Variants in DYNLT5 observed in about 807,000 individuals in gnomAD.
The protein encoded by DYNLT5 is dynein light chain Tctex-type 5.
In DYNLT5, 25 loss-of-function variants were observed where a neutral mutation model predicts 19.3. That is an observed-to-expected ratio of 1.30 (90% confidence interval 0.95 to 1.81). The LOEUF (loss-of-function observed/expected upper bound fraction) is 1.81, where lower values mean the gene tolerates loss of function less well. Among genes scored for constraint, DYNLT5 ranks in the 40% most tolerant of loss-of-function variants. The probability of loss-of-function intolerance (pLI) is 0.00; values close to 1 mark genes in which losing one functional copy is unlikely to be tolerated. For synonymous variants in DYNLT5, 82 were observed against 68.9 expected (o/e 1.19, Z -0.94); for missense variants, 232 against 217.9 (o/e 1.06, Z -0.41).
chr1:66,776,230 G>C (rs1197164186), intron 3 of DYNLT5, 49 bp from the exon 4 acceptor site: 1 of 1,596,414 alleles, frequency 6.3e-7, no homozygotes, highest in African/African-American at 1.3e-5. Flanking sequence ...GGGTGGGTGG[G>C]TGTGATTTGA....
In DYNLT5 at chr1:66,778,533, A is replaced by G. The variant is rs1445722055; in HGVS notation, c.*1079A>G. 3 of 152,662 alleles carry G rather than the reference A, an allele frequency of 2.0e-5. No individual in the cohort carries two copies. The highest frequency in any genetic ancestry group is 7.2e-5 in the African/African-American group (3 of 41,456). 9.5% of individuals were successfully genotyped at this position (152,662 alleles called of 1,614,324 possible). On this transcript the variant is annotated 3_prime_UTR_variant, in exon 5 of 5. Transcript: ENST00000282670. ...TTCTTGGATGGTAAGTGGACTGCCT[A>G]GAGGACATTTGTTAAAGGTCAAAGA... is the stretch of plus-strand genomic sequence containing the variant.
At chr1:66,768,411 A>G (rs979293723) in intron 2 of DYNLT5, among the ~76,000 whole-genome samples, 3 of 152,198 alleles carry the variant, frequency 2.0e-5, no homozygotes, top group African/African-American at 7.2e-5. Context: ...TGTTTATATG[A>G]TTCCTATGGA....
intron 2 of DYNLT5, among the ~76,000 whole-genome samples, chr1:66,757,635 A>G (rs1037188780): frequency 2.0e-5 from 3 of 152,270 alleles, no homozygotes; most frequent in African/African-American, 7.2e-5. Context: ...TATAATAATA[A>G]GGATGATAAT....
chr1:66,762,728 A>G (rs1011731658), intron 2 of DYNLT5, among the ~76,000 whole-genome samples: 1 of 152,242 alleles, frequency 6.6e-6, no homozygotes, highest in African/African-American at 2.4e-5. Flanking sequence ...GAAGTTGGTG[A>G]ATACATACAA....
chr1:66,777,352 C>A lies in DYNLT5; in HGVS notation c.438C>A (p.Ser146Arg). 6.2e-7 allele frequency: 1 copy of A among 1,613,912 alleles called. No individual in the cohort carries two copies. The highest frequency in any genetic ancestry group is 8.5e-7 in the Non-Finnish European group (1 of 1,179,886). The change falls in exon 5 of 5, where the codon AGC becomes AGA. Residue 146 changes from serine (S) to arginine (R), a missense_variant. Ser to Arg is a moderately radical substitution (Grantham distance 110). Transcript: ENST00000282670. ...QLNRQSILIG[S>R]RCLWDPKSDT... ...ACAGGCAGAGCATACTTATTGGAAG[C>A]AGATGCCTCTGGGATCCTAAAAGTG...
At position 66,770,393 on chromosome 1, in the gene DYNLT5, G is replaced by A; in HGVS notation, c.126G>A (p.Met42Ile). The A allele has an allele frequency of 1.2e-6, 2 of 1,610,932 alleles. No individual in the cohort carries two copies. Among genetic ancestry groups the A allele is most frequent in the South Asian group, 2.2e-5 (2 of 90,794 alleles). ...TTTTCTCCCTTGTTTTTAGTTCTATGAGTACTGTGTCTTATATGGAAGAAC... is the reference window on the plus strand; with the variant it reads ...TTTTCTCCCTTGTTTTTAGTTCTATAAGTACTGTGTCTTATATGGAAGAAC... ...KEIHGRIKDS[M>I]STVSYMEEPS... The change falls in exon 3 of 5, where the codon ATG becomes ATA. Residue 42 changes from methionine (M) to isoleucine (I), a missense_variant. Met to Ile is a conservative substitution (Grantham distance 10, BLOSUM62 1). Coordinates refer to ENST00000282670, the MANE Select transcript of DYNLT5 (RefSeq NM_152665.3).
intron 2 of DYNLT5, among the ~76,000 whole-genome samples, 165 bp from the exon 3 acceptor site, chr1:66,770,222 T>A (rs1485699043): frequency 6.6e-6 from 1 of 152,240 alleles, no homozygotes; most frequent in Non-Finnish European, 1.5e-5. Flanking sequence ...TTTCCATCTC[T>A]AAAATGTTTT....
At position 66,752,571 on chromosome 1, in the gene DYNLT5, C is replaced by T. The variant is rs1201314233; in HGVS notation, c.-17C>T. The T allele has an allele frequency of 2.0e-6, 2 of 985,402 alleles. No individual in the cohort carries two copies. The highest frequency in any genetic ancestry group is 1.7e-5 in the African/African-American group (1 of 57,262). 61.0% of individuals were successfully genotyped at this position (985,402 alleles called of 1,614,324 possible). A position where few individuals can be genotyped will look rare whatever the true frequency, so the allele number is the denominator to read the frequency against. On this transcript the variant is annotated 5_prime_UTR_variant, in exon 1 of 5. Coordinates refer to ENST00000282670, the MANE Select transcript of DYNLT5 (RefSeq NM_152665.3). ...GAGGTCTGGGAGGCTCCGGGCGAAG[C>T]CTCCCTGCTGCAGGTAGGGTCGCCT...
At chr1:66,776,211 T>G in intron 3 of DYNLT5, 68 bp from the exon 4 acceptor site, 1 of 1,538,608 alleles carries the variant, frequency 6.5e-7, no homozygotes, top group Non-Finnish European at 8.8e-7. Flanking sequence ...CTCTTTTGAT[T>G]AGCCTATGGG....
rs758270587 is a variant in DYNLT5, at chr1:66,776,339, G to T, written c.272G>T (p.Ser91Ile). 6.2e-7 allele frequency: 1 copy of T among 1,613,320 alleles called. No homozygotes were observed. ...CATATTTTGAAAGATGTAGTAACCAGCTATCTACAAGTAGAAGAATATGAA... is the reference window on the plus strand; with the variant it reads ...CATATTTTGAAAGATGTAGTAACCATCTATCTACAAGTAGAAGAATATGAA... ...VNHILKDVVT[S>I]YLQVEEYEPE... Residue 91 changes from serine to isoleucine, a missense_variant, in exon 4 of 5, where the codon AGC becomes ATC. Coordinates refer to ENST00000282670, the MANE Select transcript of DYNLT5 (RefSeq NM_152665.3).
intron 3 of DYNLT5, 62 bp from the exon 4 acceptor site, chr1:66,776,217 A>G (rs1645233451): frequency 2.3e-5 from 36 of 1,575,608 alleles, no homozygotes; most frequent in Non-Finnish European, 2.8e-5. Context: ...TGATTAGCCT[A>G]TGGGGTGGGT....
At chr1:66,764,219 C>T (rs2094650630) in intron 2 of DYNLT5, among the ~76,000 whole-genome samples, 1 of 152,080 alleles carries the variant, frequency 6.6e-6, no homozygotes, top group African/African-American at 2.4e-5. Flanking sequence ...AACAAAAAAT[C>T]TACTTAGTTA....
At chr1:66,763,269 T>C (rs1231797789) in intron 2 of DYNLT5, among the ~76,000 whole-genome samples, 1 of 152,216 alleles carries the variant, frequency 6.6e-6, no homozygotes, top group Non-Finnish European at 1.5e-5. Flanking sequence ...TGTGCTGTCA[T>C]CTAGTCTTTT....
chr1:66,764,923 A>G (rs1206978609), intron 2 of DYNLT5, among the ~76,000 whole-genome samples: 1 of 152,236 alleles, frequency 6.6e-6, no homozygotes, highest in Non-Finnish European at 1.5e-5. Flanking sequence ...CATAACACTC[A>G]TAAAAATATC....
intron 2 of DYNLT5, among the ~76,000 whole-genome samples, chr1:66,765,640 CTTT>C (rs11399958): frequency 1.0e-4 from 14 of 138,710 alleles, no homozygotes; most frequent in Non-Finnish European, 1.4e-4. Flanking sequence ...TTTTCTTTTT[CTTT>C]TTTTTTTTTT....
chr1:66,775,940 C>T (rs141756053), intron 3 of DYNLT5, among the ~76,000 whole-genome samples: 1,563 of 151,980 alleles, frequency 0.01, 9 homozygotes, highest in Admixed American at 0.024. Context: ...TAGATTGGAG[C>T]GGGAGATATA....
chr1:66,759,609 C>T (rs1467386207), intron 2 of DYNLT5, among the ~76,000 whole-genome samples: 1 of 151,998 alleles, frequency 6.6e-6, no homozygotes, highest in Non-Finnish European at 1.5e-5. Flanking sequence ...GCCCAAATAG[C>T]TAAGCAGAAT....
intron 2 of DYNLT5, among the ~76,000 whole-genome samples, chr1:66,759,124 A>C (rs996767410): frequency 6.6e-6 from 1 of 152,182 alleles, no homozygotes; most frequent in Non-Finnish European, 1.5e-5. Context: ...TTCACATACA[A>C]TATCTGTGTA....
In DYNLT5 at chr1:66,767,289, C is replaced by T. The variant is rs371895383; in HGVS notation, c.120-3098C>T. Among the ~76,000 whole-genome samples, 13 of 152,128 alleles carry T rather than the reference C, an allele frequency of 8.5e-5. 1 individual carries two copies. The highest frequency in any genetic ancestry group is 1.2e-4 in the Non-Finnish European group (8 of 68,026). ...TTGTTTTTTGAGACAGAGTCTTGCTCTGTTGCCCAGGCTAGAGTGCAATGG... is the reference window on the plus strand; with the variant it reads ...TTGTTTTTTGAGACAGAGTCTTGCTTTGTTGCCCAGGCTAGAGTGCAATGG... On this transcript the variant is annotated intron_variant, in intron 2 of 4. Transcript: ENST00000282670.
Sources: allele counts gnomAD v4.1 joint callset (sites outside exome capture counted in the v4.1 genomes callset), GRCh38; gene constraint gnomAD v4.1.1; transcripts MANE v1.5; gene names NCBI Gene and HGNC (gene_info 2026-07-23, HGNC 2026-07-21).